GRID2: variants seen among roughly 807,000 people sequenced by gnomAD.
GRID2 encodes glutamate receptor ionotropic, delta-2.
In GRID2, 33 loss-of-function variants were observed where a neutral mutation model predicts 114.8. The ratio of observed to expected loss-of-function variants is 0.29; its 90% CI spans 0.22 to 0.38. The LOEUF is 0.38. Ranked by LOEUF, GRID2 falls within the 10% of genes least tolerant of loss-of-function variation. The pLI, the probability that GRID2 is intolerant of heterozygous loss-of-function variation, is 1.00. For missense variants in GRID2, 1,184 were observed against 1,257.7 expected, an observed-to-expected ratio of 0.94 and a Z score of 0.89; for synonymous variants, 505 against 449.9, an observed-to-expected ratio of 1.12 and a Z score of -1.55.
At chr4:92,583,705 T>TA (rs1728286150) in intron 1 of GRID2, among the ~76,000 whole-genome samples, 3 of 148,988 alleles carry the variant, frequency 2.0e-5, no homozygotes, top group Non-Finnish European at 3.0e-5. Context: ...TACATATAAT[T>TA]TATATATAAA....
intron 2 of GRID2, among the ~76,000 whole-genome samples, chr4:92,931,706 C>A (rs893657449): frequency 4.0e-5 from 6 of 149,594 alleles, no homozygotes; most frequent in Non-Finnish European, 9.0e-5. Flanking sequence ...AGTTTGAATA[C>A]TTAATATGAT....
At chr4:93,578,107 A>G (rs1336425894) in intron 13 of GRID2, among the ~76,000 whole-genome samples, 1 of 152,140 alleles carries the variant, frequency 6.6e-6, no homozygotes, top group African/African-American at 2.4e-5. Flanking sequence ...CTAAAGTTTT[A>G]TCTGCTCTTC....
chr4:92,394,622 T>C (rs1730406488), intron 1 of GRID2, among the ~76,000 whole-genome samples: 1 of 151,938 alleles, frequency 6.6e-6, no homozygotes, highest in African/African-American at 2.4e-5. Flanking sequence ...CAAAGCCCAA[T>C]TAAACATAAA....
intron 2 of GRID2, among the ~76,000 whole-genome samples, chr4:92,898,241 C>A (rs541375125): frequency 6.6e-6 from 1 of 152,150 alleles, no homozygotes; most frequent in East Asian, 1.9e-4. Context: ...CCGTACCCAG[C>A]AAAATGAGAA....
rs867396172 is a variant in GRID2, at chr4:92,688,040, T to C, written c.244+97754T>C. ...ACATTGGTTGACCCTTCTTCTTCTT[T>C]TTTTTTTTTTTTTTTTTTTTTTTTT... is the stretch of plus-strand genomic sequence containing the variant. On this transcript the variant is annotated intron_variant, in intron 2 of 15. Transcript: ENST00000282020. Among the ~76,000 whole-genome samples, 62 of 111,568 alleles carry C rather than the reference T, an allele frequency of 5.6e-4. 6 individuals are homozygous for C. The highest frequency in any genetic ancestry group is 2.3e-3 in the South Asian group (6 of 2,592). The allele number at this position is 111,568 out of a possible 152,430, so 73.2% of individuals were successfully genotyped here.
intron 1 of GRID2, among the ~76,000 whole-genome samples, chr4:92,529,020 A>G (rs1006433372): frequency 2.0e-5 from 3 of 152,092 alleles, no homozygotes; most frequent in Non-Finnish European, 4.4e-5. Context: ...GCAAAAAGAT[A>G]AAAACTCCAC....
chr4:92,501,918 G>T (rs888970338), intron 1 of GRID2, among the ~76,000 whole-genome samples: 1 of 152,054 alleles, frequency 6.6e-6, no homozygotes, highest in African/African-American at 2.4e-5. Flanking sequence ...TTTTGTTTCT[G>T]GATATAGGCA....
chr4:92,687,182 A>T (rs1186673715), intron 2 of GRID2, among the ~76,000 whole-genome samples: 12 of 142,816 alleles, frequency 8.4e-5, no homozygotes, highest in African/African-American at 2.8e-4. Flanking sequence ...GATTTTTTTG[A>T]TTTTTTTTTT....
At position 93,800,782 on chromosome 4, in the gene GRID2, A is replaced by G. The variant is rs571035476; in HGVS notation, c.222-5933A>G. 3.3e-4 allele frequency among the ~76,000 whole-genome samples: 50 copies of G among 152,312 alleles called. 1 individual carries two copies. Among genetic ancestry groups the G allele is most frequent in the Non-Finnish European group, 3.2e-4 (22 of 68,010 alleles). ...ACTACTACTGTTAAAATATGTATTT[A>G]GCCAATATTTGAATAATTGAATCAA... On this transcript the variant is annotated intron_variant, in intron 1 of 1. Transcript: ENST00000637838.
chr4:93,624,099 T>C (rs1742464899), intron 13 of GRID2, among the ~76,000 whole-genome samples: 1 of 152,174 alleles, frequency 6.6e-6, no homozygotes, highest in Non-Finnish European at 1.5e-5. Context: ...TCTATGTATT[T>C]ATATTTAATG....
At chr4:92,760,652 T>A (rs1355657117) in intron 2 of GRID2, among the ~76,000 whole-genome samples, 1 of 152,182 alleles carries the variant, frequency 6.6e-6, no homozygotes, top group Middle Eastern at 3.2e-3. Flanking sequence ...AGACAGCATG[T>A]CCTGATAAAT....
intron 2 of GRID2, among the ~76,000 whole-genome samples, chr4:92,723,931 AT>A (rs1735933185): frequency 6.6e-6 from 1 of 152,170 alleles, no homozygotes; most frequent in Non-Finnish European, 1.5e-5. Flanking sequence ...ATTATTCAAA[AT>A]GATTTTTTTC....
chr4:92,971,364 A>G (rs1753504236), intron 2 of GRID2, among the ~76,000 whole-genome samples: 1 of 152,060 alleles, frequency 6.6e-6, no homozygotes. Context: ...ATAGTTACAC[A>G]GAAGTAATAA....
At chr4:93,194,369 T>G (rs1212887313) in intron 4 of GRID2, among the ~76,000 whole-genome samples, 5 of 152,170 alleles carry the variant, frequency 3.3e-5, no homozygotes, top group Admixed American at 6.5e-5. Flanking sequence ...AACACTTTAG[T>G]GTGTTTTAAG....
At chr4:93,296,167 C>T (rs1754289441) in intron 8 of GRID2, among the ~76,000 whole-genome samples, 2 of 152,264 alleles carry the variant, frequency 1.3e-5, no homozygotes, top group Non-Finnish European at 2.9e-5. Flanking sequence ...ATTGTGGCTG[C>T]CATGCATTTG....
At chr4:92,641,367 C>G (rs1169174897) in intron 2 of GRID2, among the ~76,000 whole-genome samples, 1 of 151,382 alleles carries the variant, frequency 6.6e-6, no homozygotes, top group Non-Finnish European at 1.5e-5. Context: ...TTACTGAAGC[C>G]TCGAAATCCT....
At chr4:93,527,840 CT>C (rs1464278293) in intron 13 of GRID2, among the ~76,000 whole-genome samples, 1 of 152,056 alleles carries the variant, frequency 6.6e-6, no homozygotes, top group African/African-American at 2.4e-5. Flanking sequence ...AAAACTAAAA[CT>C]CTGTACCCAC....
At chr4:92,677,745 G>C (rs1021434804) in intron 2 of GRID2, among the ~76,000 whole-genome samples, 4 of 152,010 alleles carry the variant, frequency 2.6e-5, no homozygotes, top group African/African-American at 9.7e-5. Context: ...TCCAGGATTA[G>C]ATCACTTCTA....
Position 92,799,133 on chromosome 4 carries a change from C to T in GRID2, c.244+208847C>T, listed in dbSNP as rs549186802. 1.1e-4 allele frequency among the ~76,000 whole-genome samples: 17 copies of T among 152,056 alleles called. No individual in the cohort carries two copies. In the South Asian group the frequency reaches 3.5e-3, roughly 32 times the overall value. On this transcript the variant is annotated intron_variant, in intron 2 of 15. Coordinates refer to ENST00000282020, the MANE Select transcript of GRID2 (RefSeq NM_001510.4). ...ACCATAATGTAGAATCACTGGGAGCCCAGAGCTTGTTTTCCTGAAACCAGA... is the reference window on the plus strand; with the variant it reads ...ACCATAATGTAGAATCACTGGGAGCTCAGAGCTTGTTTTCCTGAAACCAGA...
Sources: allele counts gnomAD v4.1 joint callset (sites outside exome capture counted in the v4.1 genomes callset), GRCh38; gene constraint gnomAD v4.1.1; transcripts MANE v1.5; gene names NCBI Gene and HGNC (gene_info 2026-07-23, HGNC 2026-07-21).